Variants in MTOR observed in about 807,000 individuals in gnomAD.
MTOR encodes serine/threonine-protein kinase mTOR.
Under a neutral mutation model 319.8 loss-of-function variants are expected in MTOR, and 70 were observed. The ratio of observed to expected loss-of-function variants is 0.22; its 90% CI spans 0.18 to 0.27. MTOR has a LOEUF of 0.27. MTOR is among the 10% of genes least tolerant of loss of function. The pLI, the probability that MTOR is intolerant of heterozygous loss-of-function variation, is 1.00. For missense variants in MTOR, 1,890 were observed against 3,274.4 expected (o/e 0.58, Z 10.32); for synonymous variants, 1,183 against 1,211.4 (o/e 0.98, Z 0.49).
In MTOR at chr1:11,243,095, T is replaced by G. The variant is rs1225114393; in HGVS notation, c.1412+19A>C. 6.2e-7 allele frequency: 1 copy of G among 1,612,382 alleles called. No homozygotes were observed. The highest frequency in any genetic ancestry group is 8.5e-7 in the Non-Finnish European group (1 of 1,179,636). On this transcript the variant is annotated intron_variant, in intron 9 of 57. Transcript: ENST00000361445. ...CAACCAAATGGAGTGGAAGGTGAAA[T>G]CATAACAGAGGTGCTTACTTATGGG...
At chr1:11,134,311 G>A (rs1332752013) in intron 37 of MTOR, 40 bp downstream of exon 37, 1 of 1,577,698 alleles carries the variant, frequency 6.3e-7, no homozygotes, top group Admixed American at 1.7e-5. Context: ...GGGATGACAG[G>A]GCTGGAATAT....
intron 25 of MTOR, among the ~76,000 whole-genome samples, chr1:11,207,814 A>G (rs767328154): frequency 3.3e-5 from 5 of 152,054 alleles, no homozygotes; most frequent in African/African-American, 7.2e-5. Flanking sequence ...TTACTTCCCA[A>G]TGAAATAGAT....
chr1:11,247,983 T>C lies in MTOR; in HGVS notation c.952A>G (p.Ser318Gly), dbSNP rs777972817. ...TKPRHITPFT[S>G]FQAVQPQQSN... ...TGCTGGGGCTGTACAGCCTGGAAAC[T>C]GGTGAAGGGGGTAATGTGACGAGGT... The change falls in exon 7 of 58, where the codon AGT becomes GGT. Residue 318 changes from serine to glycine, a missense_variant. This residue lies in a region of MTOR where 418 missense variants were observed against 543.1 expected (regional missense o/e 0.77). Coordinates refer to ENST00000361445, the MANE Select transcript of MTOR (RefSeq NM_004958.4). 6.2e-6 allele frequency: 10 copies of C among 1,613,982 alleles called. No homozygotes were observed.
intron 29 of MTOR, among the ~76,000 whole-genome samples, chr1:11,161,593 AG>A (rs1259853375): frequency 2.0e-4 from 31 of 152,152 alleles, no homozygotes; most frequent in African/African-American, 6.5e-4. Context: ...AAGCTTCCAG[AG>A]GAACGATCAG....
chr1:11,157,306 AG>A lies in MTOR; in HGVS notation c.4330-16del. 1 of 1,611,092 alleles carries A rather than the reference AG, an allele frequency of 6.2e-7. No individual in the cohort carries two copies. The highest frequency in any genetic ancestry group is 8.5e-7 in the Non-Finnish European group (1 of 1,178,802). On this transcript the variant is annotated splice_polypyrimidine_tract_variant and intron_variant, in intron 29 of 57. Transcript: ENST00000361445. ...GCCTGGATCTCCTGTTACATGGGAA[AG>A]AAAGACTGCTGTGAGGTACACAGAA...
chr1:11,116,925 A>C, intron 50 of MTOR, 79 bp downstream of exon 50: 3 of 1,086,666 alleles, frequency 2.8e-6, no homozygotes, highest in Non-Finnish European at 2.7e-6. Context: ...CCATATATTT[A>C]ATTGGAAAAC....
intron 29 of MTOR, among the ~76,000 whole-genome samples, chr1:11,160,637 T>C (rs1644450228): frequency 6.6e-6 from 1 of 152,318 alleles, no homozygotes; most frequent in Middle Eastern, 3.4e-3. Context: ...CTGTAAAATG[T>C]GATAACAGCA....
chr1:11,253,801 A>G (rs1401000652), intron 6 of MTOR, 38 bp downstream of exon 6: 2 of 1,612,476 alleles, frequency 1.2e-6, no homozygotes, highest in African/African-American at 1.3e-5. Context: ...AGAATGGTAC[A>G]CGGGGAGCCT....
chr1:11,256,900 A>G, intron 4 of MTOR, 33 bp downstream of exon 4: 8 of 1,599,120 alleles, frequency 5.0e-6, no homozygotes, highest in Non-Finnish European at 6.8e-6. Context: ...TCGTTCCCCA[A>G]GCCTGGCTGT....
chr1:11,173,912 C>G (rs1644902966), intron 28 of MTOR, among the ~76,000 whole-genome samples: 1 of 152,098 alleles, frequency 6.6e-6, no homozygotes, highest in South Asian at 2.1e-4. Flanking sequence ...CGGGAGGCAA[C>G]AAGAAGAAGA....
chr1:11,250,090 C>T (rs1649429541), intron 6 of MTOR, among the ~76,000 whole-genome samples: 1 of 148,512 alleles, frequency 6.7e-6, no homozygotes, highest in African/African-American at 2.4e-5. Flanking sequence ...GCTGGCCGGG[C>T]AGAGGGGCTC....
Position 11,232,976 on chromosome 1 carries a change from G to C in MTOR, c.2421+422C>G, listed in dbSNP as rs1287665639. On this transcript the variant is annotated intron_variant, in intron 15 of 57. Coordinates refer to ENST00000361445, the MANE Select transcript of MTOR (RefSeq NM_004958.4). ...CTGATTCTTGCCATTCTTCTCACAA[G>C]ACTTTCAGAATTAAGCAATTCCTGG... 1.2e-5 allele frequency: 10 copies of C among 831,018 alleles called. No homozygotes were observed. In the Admixed American group the frequency reaches 1.5e-4, roughly 13 times the overall value. The allele number at this position is 831,018 out of a possible 1,614,324, so 51.5% of individuals were successfully genotyped here. A position where few individuals can be genotyped will look rare whatever the true frequency, so the allele number is the denominator to read the frequency against.
chr1:11,254,824 G>A (rs1357141952), intron 5 of MTOR, among the ~76,000 whole-genome samples: 1 of 151,448 alleles, frequency 6.6e-6, no homozygotes, highest in Admixed American at 6.6e-5. Flanking sequence ...GAGTGCAGTG[G>A]CATGATCATG....
rs920053343 is a variant in MTOR at position 11,106,997 on chromosome 1, G to A, written c.*488C>T. On this transcript the variant is annotated 3_prime_UTR_variant, in exon 58 of 58. Transcript: ENST00000361445. ...GCTGTCCACAGACCAGTGAGGTCTT[G>A]GGATAGGTGGCAGGGGTGAGGTCAG... The A allele has an allele frequency of 1.5e-6, 2 of 1,370,822 alleles. No individual in the cohort carries two copies. The highest frequency in any genetic ancestry group is 1.4e-5 in the African/African-American group (1 of 69,886). 84.9% of individuals were successfully genotyped at this position (1,370,822 alleles called of 1,614,324 possible).
intron 26 of MTOR, among the ~76,000 whole-genome samples, chr1:11,201,706 C>A (rs1044347317): frequency 6.6e-6 from 1 of 152,172 alleles, no homozygotes; most frequent in Non-Finnish European, 1.5e-5. Context: ...ACTTTCTAAT[C>A]TTTATCCTAT....
Position 11,106,902 on chromosome 1 carries a change from A to G in MTOR, c.*583T>C. 1 of 1,366,072 alleles carries G rather than the reference A, an allele frequency of 7.3e-7. No individual in the cohort carries two copies. The highest frequency in any genetic ancestry group is 9.6e-7 in the Non-Finnish European group (1 of 1,036,796). 84.6% of individuals were successfully genotyped at this position (1,366,072 alleles called of 1,614,324 possible). ...TCTTGAATTGAAGCGTGTGAGTCGC[A>G]GCATCACTGGGTCTGATGGAAGACA... is the stretch of plus-strand genomic sequence containing the variant. On this transcript the variant is annotated 3_prime_UTR_variant, in exon 58 of 58. Transcript: ENST00000361445.
At chr1:11,125,685 C>T (rs540097850) in intron 46 of MTOR, among the ~76,000 whole-genome samples, 1 of 146,142 alleles carries the variant, frequency 6.8e-6, no homozygotes, top group Non-Finnish European at 1.5e-5. Context: ...GCCGAGAGCA[C>T]ACCACCTCAC....
rs1646418405 is a variant in MTOR at position 11,214,837 on chromosome 1, T to TA, written c.3118-1272dup. ...GTCTGATGTTCATCCACTTGAACCC[T>TA]ACTCTGCCTTCTTTAGAGAAGGCCA... is the stretch of plus-strand genomic sequence containing the variant. On this transcript the variant is annotated intron_variant, in intron 20 of 57. Transcript: ENST00000361445. Among the ~76,000 whole-genome samples, 7 of 152,332 alleles carry TA rather than the reference T, an allele frequency of 4.6e-5. No individual in the cohort carries two copies. In the South Asian group the frequency reaches 6.2e-4, roughly 14 times the overall value.
At chr1:11,117,149 T>G in intron 49 of MTOR, 63 bp from the exon 50 acceptor site, 2 of 1,292,982 alleles carry the variant, frequency 1.5e-6, no homozygotes, top group Admixed American at 4.2e-5. Context: ...ATAATTATAC[T>G]CTAATAAGCT....
Sources: allele counts gnomAD v4.1 joint callset (sites outside exome capture counted in the v4.1 genomes callset), GRCh38; gene constraint gnomAD v4.1.1; regional missense constraint gnomAD v4.1.1; transcripts MANE v1.5; gene names NCBI Gene and HGNC (gene_info 2026-07-23, HGNC 2026-07-21).